RIMBP2: variants seen among roughly 807,000 people sequenced by gnomAD.
RIMBP2 encodes RIMS binding protein 2.
RIMBP2 carries 48 observed loss-of-function variants against 118.6 expected under a neutral mutation model. The observed-to-expected ratio is 0.40, with a 90% CI of 0.32 to 0.51. The LOEUF (loss-of-function observed/expected upper bound fraction) is 0.51. Ranked by LOEUF, RIMBP2 falls within the 20% of genes least tolerant of loss-of-function variation. RIMBP2 has a pLI of 0.41. For missense variants in RIMBP2, 1,551 were observed against 1,768.3 expected, an observed-to-expected ratio of 0.88 and a Z score of 2.20; for synonymous variants, 762 against 742.9, an observed-to-expected ratio of 1.03 and a Z score of -0.42.
chr12:130,624,661 C>A (rs12581505), intron 2 of RIMBP2, among the ~76,000 whole-genome samples: 8,769 of 152,286 alleles, frequency 0.058, 322 homozygotes, highest in Non-Finnish European at 0.08. Flanking sequence ...CCCTTCAAAT[C>A]TGACAAGGTA....
chr12:130,646,766 G>T (rs535043200), intron 1 of RIMBP2, among the ~76,000 whole-genome samples: 1 of 152,242 alleles, frequency 6.6e-6, no homozygotes, highest in Non-Finnish European at 1.5e-5. Context: ...CTCCAGGGGC[G>T]AATGATTTAT....
chr12:130,684,389 T>C (rs12322590), intron 1 of RIMBP2, among the ~76,000 whole-genome samples: 8,912 of 152,308 alleles, frequency 0.059, 849 homozygotes, highest in African/African-American at 0.2. Flanking sequence ...GAGGGCCGTG[T>C]CACAGGCCAG....
rs2061522504 is a variant in RIMBP2 at position 130,624,806 on chromosome 12, C to G, written c.-217+3516G>C. ...ATGGCACTATCTCAGCTTACTGCAA[C>G]CTCTGCTTCCCGGGTTCAAGCAATT... On this transcript the variant is annotated intron_variant, in intron 2 of 22. Transcript: ENST00000690449. Among the ~76,000 whole-genome samples, 10 of 152,268 alleles carry G rather than the reference C, an allele frequency of 6.6e-5. No individual in the cohort carries two copies. The South Asian group carries it at 1.9e-3, about 28-fold the overall frequency.
At chr12:130,526,255 C>G (rs982260381) in intron 2 of RIMBP2, among the ~76,000 whole-genome samples, 1 of 151,396 alleles carries the variant, frequency 6.6e-6, no homozygotes, top group Non-Finnish European at 1.5e-5. Flanking sequence ...GGACGAAAGC[C>G]AACATCTACA....
chr12:130,580,326 T>C (rs1454987762), intron 2 of RIMBP2, among the ~76,000 whole-genome samples: 1 of 151,480 alleles, frequency 6.6e-6, no homozygotes, highest in Non-Finnish European at 1.5e-5. Flanking sequence ...ATCATGGGGG[T>C]GGTTTCCCCC....
At chr12:130,693,497 C>A (rs950484817) in intron 1 of RIMBP2, among the ~76,000 whole-genome samples, 2 of 152,190 alleles carry the variant, frequency 1.3e-5, no homozygotes, top group African/African-American at 4.8e-5. Flanking sequence ...CAGTGATGCC[C>A]AGCAATTGTG....
chr12:130,662,210 CTCTGGGGAGAGGT>C (rs1301992664), intron 1 of RIMBP2, among the ~76,000 whole-genome samples: 24 of 152,182 alleles, frequency 1.6e-4, no homozygotes, highest in Non-Finnish European at 3.2e-4. Flanking sequence ...ACCCGTCACG[CTCTGGGGAGAGGT>C]CAGTCTGGGG....
At chr12:130,635,889 C>T (rs1236846248) in intron 1 of RIMBP2, among the ~76,000 whole-genome samples, 1 of 152,022 alleles carries the variant, frequency 6.6e-6, no homozygotes, top group Admixed American at 6.5e-5. Flanking sequence ...TACTGGGGCC[C>T]CCTACATCCA....
At chr12:130,423,931 A>G (rs961462340) in intron 16 of RIMBP2, among the ~76,000 whole-genome samples, 2 of 152,120 alleles carry the variant, frequency 1.3e-5, no homozygotes, top group African/African-American at 4.8e-5. Flanking sequence ...GGGGGTGGAA[A>G]TCATTACTCT....
At chr12:130,595,701 G>C (rs1275851232) in intron 2 of RIMBP2, among the ~76,000 whole-genome samples, 1 of 152,208 alleles carries the variant, frequency 6.6e-6, no homozygotes, top group East Asian at 1.9e-4. Flanking sequence ...ACTCACAGCA[G>C]AGGGAAGGAA....
intron 1 of RIMBP2, among the ~76,000 whole-genome samples, chr12:130,700,209 GC>G (rs1381586892): frequency 6.6e-6 from 1 of 152,086 alleles, no homozygotes; most frequent in African/African-American, 2.4e-5. Flanking sequence ...TAATTGGCAG[GC>G]CATTTCTACA....
intron 6 of RIMBP2, among the ~76,000 whole-genome samples, chr12:130,468,361 T>C (rs11060913): frequency 0.021 from 3,196 of 152,246 alleles, 91 homozygotes; most frequent in East Asian, 0.16. Flanking sequence ...GGCCCCTCCC[T>C]GAGGGGTTTG....
chr12:130,415,989 G>C (rs149666384), intron 17 of RIMBP2, among the ~76,000 whole-genome samples: 217 of 143,034 alleles, frequency 1.5e-3, no homozygotes, highest in African/African-American at 5.4e-3. Flanking sequence ...AAAATATACA[G>C]AATACATCTA....
chr12:130,478,482 G>C (rs2138078398), intron 5 of RIMBP2, among the ~76,000 whole-genome samples: 1 of 152,282 alleles, frequency 6.6e-6, no homozygotes, highest in Middle Eastern at 3.4e-3. Flanking sequence ...CAGCAGCACT[G>C]CAAGAAAACA....
chr12:130,596,434 C>T (rs2059566742), intron 2 of RIMBP2, among the ~76,000 whole-genome samples: 1 of 151,998 alleles, frequency 6.6e-6, no homozygotes, highest in African/African-American at 2.4e-5. Flanking sequence ...TTGCCCAAGG[C>T]CACATAGCCC....
At chr12:130,414,817 A>G (rs1361156659) in intron 17 of RIMBP2, 2 of 153,238 alleles carry the variant, frequency 1.3e-5, no homozygotes, top group African/African-American at 4.8e-5. Flanking sequence ...TTTCAACTCC[A>G]TATACCACCC....
At chr12:130,528,589 A>G (rs1031660166) in intron 2 of RIMBP2, among the ~76,000 whole-genome samples, 1 of 152,240 alleles carries the variant, frequency 6.6e-6, no homozygotes, top group African/African-American at 2.4e-5. Context: ...CATGTCCTGC[A>G]CATGTACCCC....
intron 3 of RIMBP2, among the ~76,000 whole-genome samples, chr12:130,516,220 G>A (rs2051439949): frequency 6.6e-6 from 1 of 152,216 alleles, no homozygotes. Flanking sequence ...AAGAAAATAA[G>A]TGTCAAATCA....
At chr12:130,610,155 CT>C (rs2060433715) in intron 2 of RIMBP2, among the ~76,000 whole-genome samples, 8 of 149,804 alleles carry the variant, frequency 5.3e-5, no homozygotes, top group Non-Finnish European at 1.0e-4. Flanking sequence ...AATGGGAAGC[CT>C]GCTCCTCCCG....
Sources: allele counts gnomAD v4.1 joint callset (sites outside exome capture counted in the v4.1 genomes callset), GRCh38; gene constraint gnomAD v4.1.1; transcripts MANE v1.5; gene names NCBI Gene and HGNC (gene_info 2026-07-23, HGNC 2026-07-21).